HDAC9: variants seen among roughly 807,000 people sequenced by gnomAD.
HDAC9 encodes MEF-2 interacting transcription repressor (MITR) protein.
HDAC9 carries 41 observed loss-of-function variants against 139.4 expected under a neutral mutation model. The ratio of observed to expected loss-of-function variants is 0.29; its 90% CI spans 0.23 to 0.38. The LOEUF is 0.38. HDAC9 is among the 10% of genes least tolerant of loss of function. HDAC9 has a pLI of 1.00. For missense variants in HDAC9, 1,147 were observed against 1,297.0 expected, an observed-to-expected ratio of 0.88 and a Z score of 1.78; for synonymous variants, 517 against 476.2, an observed-to-expected ratio of 1.09 and a Z score of -1.12.
In HDAC9 at chr7:18,579,632, C is replaced by T. The variant is rs546305367; in HGVS notation, c.23-5649C>T. ...AAAATAACGTAGGAATAAAATGGCT[C>T]TGGGCAGCATTGCTGATATAACCAA... On this transcript the variant is annotated intron_variant, in intron 2 of 25. Coordinates refer to ENST00000686413, the MANE Select transcript of HDAC9 (RefSeq NM_178425.4). Among the ~76,000 whole-genome samples the T allele has an allele frequency of 2.1e-4, 32 of 152,272 alleles. No individual in the cohort carries two copies. The South Asian group carries it at 6.4e-3, about 31-fold the overall frequency.
intron 21 of HDAC9, among the ~76,000 whole-genome samples, chr7:18,841,338 A>G (rs1156567711): frequency 1.3e-5 from 2 of 152,092 alleles, no homozygotes; most frequent in African/African-American, 4.8e-5. Flanking sequence ...TAATATTTTA[A>G]TATAATTTCA....
chr7:18,307,767 C>G (rs1259779916), intron 1 of HDAC9, among the ~76,000 whole-genome samples: 3 of 152,140 alleles, frequency 2.0e-5, no homozygotes, highest in African/African-American at 7.2e-5. Context: ...TGTGCCGCTG[C>G]ACTCCAGCCT....
intron 21 of HDAC9, among the ~76,000 whole-genome samples, chr7:18,870,495 G>A (rs1798830669): frequency 6.6e-6 from 1 of 152,124 alleles, no homozygotes; most frequent in African/African-American, 2.4e-5. Context: ...GAGTATTGAT[G>A]CTGATATGTC....
intron 1 of HDAC9, among the ~76,000 whole-genome samples, chr7:18,141,620 A>T (rs1467074104): frequency 6.6e-6 from 1 of 152,072 alleles, no homozygotes; most frequent in Non-Finnish European, 1.5e-5. Flanking sequence ...CTTGGAGTCC[A>T]TTTGTATTTT....
At chr7:18,152,904 G>A (rs1364473674) in intron 1 of HDAC9, among the ~76,000 whole-genome samples, 1 of 152,174 alleles carries the variant, frequency 6.6e-6, no homozygotes, top group African/African-American at 2.4e-5. Flanking sequence ...GTGTATTCTG[G>A]AAATTTAGGT....
At chr7:18,676,822 A>G (rs184725656) in intron 12 of HDAC9, among the ~76,000 whole-genome samples, 2 of 152,000 alleles carry the variant, frequency 1.3e-5, no homozygotes, top group Non-Finnish European at 1.5e-5. Flanking sequence ...ATGGAAGCAG[A>G]TAATATTTTC....
rs1485976221 is a variant in HDAC9 at position 18,249,516 on chromosome 7, AAAAAAAAC to A, written c.25+87175_25+87182del. 2.2e-4 allele frequency among the ~76,000 whole-genome samples: 32 copies of A among 148,676 alleles called. 3 individuals are homozygous for A. Among genetic ancestry groups the A allele is most frequent in the Admixed American group, 3.4e-4 (5 of 14,666 alleles). On this transcript the variant is annotated intron_variant, in intron 2 of 12. Transcript: ENST00000417496. ...AGACTCTGTCTCAAAAAAAAAAAAAAAAAAAAACAAAAAAAAAACTTTCTGAACAGATC... is the reference window on the plus strand; with the variant it reads ...AGACTCTGTCTCAAAAAAAAAAAAAAAAAAAAAAAACTTTCTGAACAGATC...
At chr7:18,486,243 A>T (rs1304600335) in intron 1 of HDAC9, among the ~76,000 whole-genome samples, 1 of 152,162 alleles carries the variant, frequency 6.6e-6, no homozygotes, top group Non-Finnish European at 1.5e-5. Flanking sequence ...TTTGATGGCA[A>T]ACTATACCAG....
intron 22 of HDAC9, among the ~76,000 whole-genome samples, chr7:18,891,390 G>A (rs1800668065): frequency 6.6e-6 from 1 of 152,166 alleles, no homozygotes; most frequent in East Asian, 1.9e-4. Context: ...TACTTTAAGA[G>A]CTGCATTTTA....
intron 15 of HDAC9, among the ~76,000 whole-genome samples, chr7:18,764,816 A>G (rs1789685952): frequency 6.6e-6 from 1 of 152,082 alleles, no homozygotes; most frequent in African/African-American, 2.4e-5. Context: ...AATTAATGCT[A>G]TTTCCCTTGA....
rs1785366053 is a variant in HDAC9, at chr7:18,986,508, G to A, written c.3171-9515G>A. On this transcript the variant is annotated intron_variant, in intron 25 of 25. Transcript: ENST00000686413. ...ATAGTTTGAAGTCAGGTAGTGTGATGCCTCCAGCTTTGTTCTTTTGGCTTA... is the reference window on the plus strand; with the variant it reads ...ATAGTTTGAAGTCAGGTAGTGTGATACCTCCAGCTTTGTTCTTTTGGCTTA... Among the ~76,000 whole-genome samples, 3 of 122,042 alleles carry A rather than the reference G, an allele frequency of 2.5e-5. No homozygotes were observed. In the Admixed American group the frequency reaches 2.7e-4, roughly 11 times the overall value. The allele number at this position is 122,042 out of a possible 152,430, so 80.1% of individuals were successfully genotyped here. A position where few individuals can be genotyped will look rare whatever the true frequency, so the allele number is the denominator to read the frequency against.
chr7:18,810,938 G>T (rs1279725853), intron 17 of HDAC9, among the ~76,000 whole-genome samples: 1 of 151,784 alleles, frequency 6.6e-6, no homozygotes, highest in Non-Finnish European at 1.5e-5. Context: ...CTGCTATAAA[G>T]AAACTTTTCC....
intron 21 of HDAC9, among the ~76,000 whole-genome samples, chr7:18,867,256 A>C (rs990696620): frequency 2.0e-5 from 3 of 152,160 alleles, no homozygotes; most frequent in Non-Finnish European, 2.9e-5. Flanking sequence ...TGCTTCAATC[A>C]TGTGTTTTCT....
intron 22 of HDAC9, among the ~76,000 whole-genome samples, chr7:18,933,066 G>T (rs1563067270): frequency 6.6e-6 from 1 of 152,146 alleles, no homozygotes; most frequent in East Asian, 1.9e-4. Flanking sequence ...ACTTGAGCCA[G>T]ACTTGAATGA....
At chr7:18,487,421 G>C (rs927553851) in intron 1 of HDAC9, among the ~76,000 whole-genome samples, 1 of 152,064 alleles carries the variant, frequency 6.6e-6, no homozygotes, top group African/African-American at 2.4e-5. Context: ...GCAAAAGAAA[G>C]TTAGGGGTTG....
At chr7:18,628,291 A>G (rs554208861) in intron 6 of HDAC9, among the ~76,000 whole-genome samples, 10 of 152,196 alleles carry the variant, frequency 6.6e-5, no homozygotes, top group Admixed American at 4.6e-4. Flanking sequence ...AACCTTGGGC[A>G]AGATACTTAC....
At chr7:18,175,199 C>G (rs1034394058) in intron 2 of HDAC9, among the ~76,000 whole-genome samples, 9 of 152,190 alleles carry the variant, frequency 5.9e-5, no homozygotes, top group South Asian at 2.1e-4. Flanking sequence ...TGCTGCCTTG[C>G]AGGTCCATCT....
intron 12 of HDAC9, among the ~76,000 whole-genome samples, chr7:18,705,376 C>A (rs1783807225): frequency 6.6e-6 from 1 of 152,144 alleles, no homozygotes; most frequent in African/African-American, 2.4e-5. Flanking sequence ...TAGACATTGT[C>A]AAATGTACTC....
chr7:18,528,563 A>G (rs144850308), intron 2 of HDAC9, among the ~76,000 whole-genome samples: 2,020 of 152,218 alleles, frequency 0.013, 30 homozygotes, highest in Middle Eastern at 0.041. Context: ...TTTTCAGGGC[A>G]TTAAAAATTA....
Sources: gnomAD v4.1 joint callset for allele counts (sites outside exome capture counted in the v4.1 genomes callset) on GRCh38, gnomAD v4.1.1 for gene constraint, MANE v1.5 for transcripts, NCBI Gene and HGNC (gene_info 2026-07-23, HGNC 2026-07-21) for gene names.